The following STOX2 variants were observed in gnomAD, a reference collection of about 807,000 sequenced individuals.
STOX2 encodes storkhead-box protein 2.
Under a neutral mutation model 60.9 loss-of-function variants are expected in STOX2, and 28 were observed. That is an observed-to-expected ratio of 0.46 (90% confidence interval 0.34 to 0.63). The LOEUF (loss-of-function observed/expected upper bound fraction) is 0.63, where lower values mean the gene tolerates loss of function less well. Among genes scored for constraint, STOX2 ranks in the 30% least tolerant of loss-of-function variants. The probability of loss-of-function intolerance (pLI) is 0.01; values close to 1 mark genes in which losing one functional copy is unlikely to be tolerated. For synonymous variants in STOX2, 472 were observed against 463.9 expected, an observed-to-expected ratio of 1.02 and a Z score of -0.22; for missense variants, 1,024 against 1,187.7, an observed-to-expected ratio of 0.86 and a Z score of 2.03.
chr4:183,951,076 C>T (rs1020274017), intron 1 of STOX2, among the ~76,000 whole-genome samples: 32 of 151,840 alleles, frequency 2.1e-4, no homozygotes, highest in African/African-American at 6.8e-4. Context: ...ATTAGCCGGG[C>T]GTGGTGGCGG....
intron 1 of STOX2, among the ~76,000 whole-genome samples, chr4:183,866,701 A>G (rs553106173): frequency 6.6e-6 from 1 of 152,258 alleles, no homozygotes; most frequent in East Asian, 1.9e-4. Context: ...TAAAACTTCA[A>G]CACTTTGTGT....
chr4:183,858,052 G>A (rs541850060), intron 1 of STOX2, among the ~76,000 whole-genome samples: 5 of 152,280 alleles, frequency 3.3e-5, no homozygotes, highest in East Asian at 1.9e-4. Context: ...AGTGAGGAGC[G>A]GGTAGTAAAT....
chr4:183,805,044 A>C (rs1738853741), intron 1 of STOX2, among the ~76,000 whole-genome samples: 1 of 152,196 alleles, frequency 6.6e-6, no homozygotes, highest in African/African-American at 2.4e-5. Flanking sequence ...AAGTATTTAG[A>C]TGCTTTCTGT....
At chr4:183,882,991 A>G (rs1002138886) in intron 1 of STOX2, among the ~76,000 whole-genome samples, 2 of 152,152 alleles carry the variant, frequency 1.3e-5, no homozygotes, top group Non-Finnish European at 2.9e-5. Flanking sequence ...AATTTAGACC[A>G]TTTTATATAA....
intron 1 of STOX2, among the ~76,000 whole-genome samples, chr4:183,833,968 T>C (rs11941082): frequency 0.098 from 11,981 of 122,320 alleles, 1,687 homozygotes; most frequent in African/African-American, 0.33. Flanking sequence ...GGCGACAGAG[T>C]GAGACTCCGT....
intron 1 of STOX2, among the ~76,000 whole-genome samples, chr4:183,826,901 T>C (rs1439487599): frequency 6.6e-6 from 1 of 152,216 alleles, no homozygotes; most frequent in East Asian, 1.9e-4. Context: ...CAAAAGGCAG[T>C]GATAGTAGTA....
intron 1 of STOX2, among the ~76,000 whole-genome samples, chr4:183,818,380 A>G (rs1347119986): frequency 6.6e-6 from 1 of 152,190 alleles, no homozygotes; most frequent in Non-Finnish European, 1.5e-5. Context: ...CTGAGTGGAC[A>G]CAGCACATGT....
chr4:183,881,043 C>G (rs1239877163), intron 1 of STOX2, among the ~76,000 whole-genome samples: 1 of 152,158 alleles, frequency 6.6e-6, no homozygotes, highest in East Asian at 1.9e-4. Context: ...TAGGGTGGTA[C>G]AGGTCTCTTC....
chr4:183,808,480 G>C (rs887576712), intron 1 of STOX2, among the ~76,000 whole-genome samples: 1 of 152,220 alleles, frequency 6.6e-6, no homozygotes, highest in Non-Finnish European at 1.5e-5. Context: ...ATTTGTCTAG[G>C]TTGATCACTT....
intron 1 of STOX2, among the ~76,000 whole-genome samples, chr4:183,870,979 A>T (rs1228161216): frequency 6.6e-6 from 1 of 152,236 alleles, no homozygotes; most frequent in Middle Eastern, 3.2e-3. Context: ...CCTAGAAATC[A>T]TGAAGATACT....
intron 1 of STOX2, among the ~76,000 whole-genome samples, chr4:183,830,385 G>A (rs568427619): frequency 1.3e-5 from 2 of 152,308 alleles, no homozygotes; most frequent in Non-Finnish European, 2.9e-5. Context: ...GCTACTATGG[G>A]TGTTATCTTG....
intron 1 of STOX2, among the ~76,000 whole-genome samples, chr4:183,802,613 C>CTTT (rs10661259): frequency 5.9e-4 from 86 of 145,750 alleles, no homozygotes; most frequent in Admixed American, 1.4e-3. Flanking sequence ...GTCCATTTTT[C>CTTT]TTTTTTTTTT....
intron 3 of STOX2, among the ~76,000 whole-genome samples, chr4:184,013,616 A>G (rs1382735507): frequency 6.6e-6 from 1 of 152,214 alleles, no homozygotes; most frequent in African/African-American, 2.4e-5. Flanking sequence ...TAGGTGACAA[A>G]CTATTTTCTA....
intron 1 of STOX2, among the ~76,000 whole-genome samples, chr4:183,881,259 T>C (rs931563005): frequency 5.3e-5 from 8 of 152,090 alleles, no homozygotes; most frequent in Admixed American, 3.3e-4. Flanking sequence ...TTCCAGCACT[T>C]TGGGAGGCTG....
At chr4:183,888,095 C>G (rs1741123424) in intron 1 of STOX2, among the ~76,000 whole-genome samples, 1 of 152,122 alleles carries the variant, frequency 6.6e-6, no homozygotes, top group Non-Finnish European at 1.5e-5. Context: ...AGGCAAATAT[C>G]TTAGGGCCAT....
At chr4:183,926,904 G>GA (rs1361735105) in intron 1 of STOX2, among the ~76,000 whole-genome samples, 3 of 152,202 alleles carry the variant, frequency 2.0e-5, no homozygotes, top group Non-Finnish European at 4.4e-5. Context: ...TTACAGGCGT[G>GA]AGCCACCGGG....
At chr4:183,831,987 T>C (rs1739578899) in intron 1 of STOX2, among the ~76,000 whole-genome samples, 1 of 147,004 alleles carries the variant, frequency 6.8e-6, no homozygotes. Flanking sequence ...CTTCTTCTTC[T>C]TCTTTTTTTT....
At chr4:183,946,537 T>TG (rs1276608118) in intron 1 of STOX2, among the ~76,000 whole-genome samples, 1 of 152,210 alleles carries the variant, frequency 6.6e-6, no homozygotes, top group East Asian at 1.9e-4. Context: ...CAAAAATATT[T>TG]GGAAAAAAAG....
At chr4:183,969,771 C>T (rs1335231215) in intron 1 of STOX2, among the ~76,000 whole-genome samples, 2 of 152,140 alleles carry the variant, frequency 1.3e-5, no homozygotes, top group Admixed American at 6.5e-5. Context: ...AGGCACGCAC[C>T]ACCACGCCTG....
Sources: gnomAD v4.1 joint callset for allele counts (sites outside exome capture counted in the v4.1 genomes callset) on GRCh38, gnomAD v4.1.1 for gene constraint, MANE v1.5 for transcripts, NCBI Gene and HGNC (gene_info 2026-07-23, HGNC 2026-07-21) for gene names.